Variants in ADAMTSL1 observed in about 807,000 individuals in gnomAD.
ADAMTSL1 encodes ADAMTS like 1.
A neutral mutation model predicts 201.8 loss-of-function variants in ADAMTSL1; 126 were observed. The observed-to-expected ratio is 0.62, with a 90% CI of 0.54 to 0.72. The LOEUF is 0.72. ADAMTSL1 is among the 30% of genes least tolerant of loss of function. ADAMTSL1 has a pLI of 0.00. For missense variants in ADAMTSL1, 2,679 were observed against 2,277.8 expected, an observed-to-expected ratio of 1.18 and a Z score of -3.59; for synonymous variants, 1,121 against 903.4, an observed-to-expected ratio of 1.24 and a Z score of -4.32.
intron 1 of ADAMTSL1, among the ~76,000 whole-genome samples, chr9:18,109,693 C>A (rs951695018): frequency 2.6e-5 from 4 of 152,146 alleles, no homozygotes; most frequent in African/African-American, 9.7e-5. Context: ...TTTTAGACCC[C>A]CTTTACCAAA....
At chr9:18,818,321 C>G (rs1823991345) in intron 21 of ADAMTSL1, among the ~76,000 whole-genome samples, 1 of 151,932 alleles carries the variant, frequency 6.6e-6, no homozygotes, top group South Asian at 2.1e-4. Flanking sequence ...CACCCCCATG[C>G]TTTGGTGGTT....
chr9:18,800,502 A>C (rs555629325), intron 20 of ADAMTSL1, among the ~76,000 whole-genome samples: 11 of 152,174 alleles, frequency 7.2e-5, no homozygotes, highest in Non-Finnish European at 1.3e-4. Context: ...CTGATAGAAT[A>C]CTGAATAGCT....
intron 1 of ADAMTSL1, among the ~76,000 whole-genome samples, chr9:18,082,772 GA>G (rs1244965417): frequency 6.6e-6 from 1 of 152,192 alleles, no homozygotes; most frequent in Non-Finnish European, 1.5e-5. Flanking sequence ...CTGAGAAAGG[GA>G]AGAGGCAGAG....
intron 2 of ADAMTSL1, among the ~76,000 whole-genome samples, chr9:18,522,405 CTT>C (rs954203689): frequency 6.6e-6 from 1 of 152,056 alleles, no homozygotes; most frequent in African/African-American, 2.4e-5. Flanking sequence ...TATTATTCCT[CTT>C]GAGTTTTTTG....
chr9:18,181,761 A>G (rs958038060), intron 2 of ADAMTSL1, among the ~76,000 whole-genome samples: 4 of 151,500 alleles, frequency 2.6e-5, no homozygotes, highest in Non-Finnish European at 5.9e-5. Flanking sequence ...TAGAAATACC[A>G]TTTGACCCAG....
chr9:18,259,158 G>T (rs544013886), intron 2 of ADAMTSL1, among the ~76,000 whole-genome samples: 1 of 152,146 alleles, frequency 6.6e-6, no homozygotes, highest in Admixed American at 6.5e-5. Flanking sequence ...TTATGCTCAT[G>T]TGGGCTTAAA....
intron 13 of ADAMTSL1, among the ~76,000 whole-genome samples, chr9:18,699,258 T>A (rs1018540328): frequency 3.3e-5 from 5 of 152,080 alleles, no homozygotes; most frequent in African/African-American, 1.2e-4. Context: ...AGAAAAAGTC[T>A]GTTTGTTACT....
At chr9:18,728,731 G>A (rs1818046344) in intron 15 of ADAMTSL1, among the ~76,000 whole-genome samples, 1 of 152,204 alleles carries the variant, frequency 6.6e-6, no homozygotes, top group African/African-American at 2.4e-5. Flanking sequence ...AGATGTTGCA[G>A]GCAGAAGGAA....
At chr9:18,230,626 A>G (rs1181847393) in intron 2 of ADAMTSL1, among the ~76,000 whole-genome samples, 2 of 152,150 alleles carry the variant, frequency 1.3e-5, no homozygotes, top group Non-Finnish European at 2.9e-5. Context: ...CTAGAGAAGA[A>G]TTACTCTAAG....
At chr9:18,091,764 C>T (rs1005790103) in intron 1 of ADAMTSL1, among the ~76,000 whole-genome samples, 3 of 151,866 alleles carry the variant, frequency 2.0e-5, no homozygotes, top group Non-Finnish European at 4.4e-5. Context: ...AGTAAAGGGG[C>T]ATTATAATTA....
At chr9:18,262,292 C>T (rs1444264048) in intron 2 of ADAMTSL1, among the ~76,000 whole-genome samples, 1 of 152,128 alleles carries the variant, frequency 6.6e-6, no homozygotes, top group Non-Finnish European at 1.5e-5. Flanking sequence ...ACACCCAAGG[C>T]CCTTATAAAG....
intron 1 of ADAMTSL1, among the ~76,000 whole-genome samples, chr9:18,005,951 G>A (rs1303919313): frequency 6.6e-6 from 1 of 151,918 alleles, no homozygotes; most frequent in Admixed American, 6.6e-5. Flanking sequence ...CTATCTCATA[G>A]ACTTATTGAT....
At chr9:18,291,741 TCTCTCTCACACACACA>T (rs1335784854) in intron 2 of ADAMTSL1, among the ~76,000 whole-genome samples, 306 of 124,168 alleles carry the variant, frequency 2.5e-3, no homozygotes, top group Non-Finnish European at 4.1e-3. Flanking sequence ...TCTCTCTCTC[TCTCTCTCACACACACA>T]CACACACACA....
intron 8 of ADAMTSL1, among the ~76,000 whole-genome samples, chr9:18,659,253 A>G (rs1188104512): frequency 3.3e-5 from 5 of 152,204 alleles, no homozygotes; most frequent in Non-Finnish European, 1.5e-5. Flanking sequence ...ACATTGTATG[A>G]TGTAATTCAT....
At chr9:18,344,541 G>A (rs1835612240) in intron 2 of ADAMTSL1, among the ~76,000 whole-genome samples, 1 of 152,050 alleles carries the variant, frequency 6.6e-6, no homozygotes. Context: ...ATACACATGT[G>A]AGATTCACAA....
At chr9:18,114,242 G>A (rs561631559) in intron 1 of ADAMTSL1, among the ~76,000 whole-genome samples, 1 of 152,144 alleles carries the variant, frequency 6.6e-6, no homozygotes, top group Non-Finnish European at 1.5e-5. Context: ...GCCATTTGAT[G>A]AAAGTTGGCC....
chr9:18,200,358 C>A (rs764916972), intron 2 of ADAMTSL1, among the ~76,000 whole-genome samples: 6 of 151,950 alleles, frequency 3.9e-5, no homozygotes, highest in African/African-American at 1.4e-4. Flanking sequence ...ATTCTATACT[C>A]ATTTGATTCT....
chr9:18,600,120 C>G (rs995854805), intron 4 of ADAMTSL1, among the ~76,000 whole-genome samples: 2 of 152,018 alleles, frequency 1.3e-5, no homozygotes, highest in African/African-American at 4.8e-5. Flanking sequence ...TCTTTGGGGC[C>G]TCTTTCACTC....
chr9:18,501,415 G>A (rs1031937560), intron 1 of ADAMTSL1, among the ~76,000 whole-genome samples: 10 of 151,150 alleles, frequency 6.6e-5, no homozygotes, highest in African/African-American at 2.0e-4. Flanking sequence ...AGAGGCTGAG[G>A]CAGGAGGATC....
Sources: gnomAD v4.1 joint callset for allele counts (sites outside exome capture counted in the v4.1 genomes callset) on GRCh38, gnomAD v4.1.1 for gene constraint, MANE v1.5 for transcripts, NCBI Gene and HGNC (gene_info 2026-07-23, HGNC 2026-07-21) for gene names.